The following SRD5A2 variants were observed in gnomAD, a reference collection of about 807,000 sequenced individuals.
The protein encoded by SRD5A2 is steroid 5 alpha-reductase 2, also known as 3-oxo-5-alpha-steroid 4-dehydrogenase 2.
Under a neutral mutation model 27.4 loss-of-function variants are expected in SRD5A2, and 30 were observed. That is an observed-to-expected ratio of 1.10 (90% confidence interval 0.82 to 1.49). The LOEUF is 1.49. Ranked by LOEUF, SRD5A2 falls within the 40% of genes most tolerant of loss-of-function variation. SRD5A2 has a pLI of 0.00. For synonymous variants in SRD5A2, 141 were observed against 133.6 expected, an observed-to-expected ratio of 1.06 and a Z score of -0.38; for missense variants, 348 against 323.4, an observed-to-expected ratio of 1.08 and a Z score of -0.58.
At chr2:31,600,817 C>T in the SRD5A2 span, among the ~76,000 whole-genome samples, 24 of 151,944 alleles carry the variant, frequency 1.6e-4, no homozygotes, top group African/African-American at 5.5e-4. Flanking sequence ...CTCAACAAAA[C>T]ACTAACAAGC....
intron 1 of SRD5A2, among the ~76,000 whole-genome samples, chr2:31,552,637 C>A (rs539218016): frequency 1.3e-5 from 2 of 152,146 alleles, no homozygotes; most frequent in Non-Finnish European, 2.9e-5. Context: ...CAGAAGAATG[C>A]CAGTCCCTGT....
At chr2:31,528,466 G>T (rs1665828428) in intron 4 of SRD5A2, among the ~76,000 whole-genome samples, 1 of 152,178 alleles carries the variant, frequency 6.6e-6, no homozygotes, top group East Asian at 1.9e-4. Context: ...CTAGCCTGCT[G>T]TGCCTCAGAA....
chr2:31,537,262 C>T (rs887470578), intron 1 of SRD5A2, among the ~76,000 whole-genome samples: 13 of 152,272 alleles, frequency 8.5e-5, no homozygotes, highest in Non-Finnish European at 1.5e-4. Flanking sequence ...TTACACCTTT[C>T]TTGACCCTGT....
At chr2:31,638,793 C>T in the SRD5A2 span, among the ~76,000 whole-genome samples, 1 of 151,148 alleles carries the variant, frequency 6.6e-6, no homozygotes, top group Admixed American at 6.6e-5. Flanking sequence ...TTACTTTCAG[C>T]CTATGTGTGT....
chr2:31,613,391 T>G, the SRD5A2 span, among the ~76,000 whole-genome samples: 1 of 152,032 alleles, frequency 6.6e-6, no homozygotes, highest in African/African-American at 2.4e-5. Flanking sequence ...GAGATATGAA[T>G]AGCCAACAGA....
chr2:31,635,065 G>A, the SRD5A2 span, among the ~76,000 whole-genome samples: 1 of 152,158 alleles, frequency 6.6e-6, no homozygotes, highest in Middle Eastern at 3.2e-3. Flanking sequence ...GGAATTGCTG[G>A]ATTATATGAT....
the SRD5A2 span, among the ~76,000 whole-genome samples, chr2:31,597,142 A>G: frequency 6.6e-6 from 1 of 152,194 alleles, no homozygotes; most frequent in African/African-American, 2.4e-5. Context: ...GACCAATGGA[A>G]CAAAATAGAT....
In SRD5A2 at chr2:31,523,143, AC is replaced by A. The variant is rs1665694973; in HGVS notation, c.*3052del. 4.6e-6 allele frequency: 1 copy of A among 216,172 alleles called. No individual in the cohort carries two copies. The highest frequency in any genetic ancestry group is 2.3e-5 in the African/African-American group (1 of 44,420). The allele number at this position is 216,172 out of a possible 1,614,324, so 13.4% of individuals were successfully genotyped here. On this transcript the variant is annotated 3_prime_UTR_variant, in exon 5 of 5. Transcript: ENST00000622030. Reference sequence around the variant, plus strand: ...GGGATAAGGGGGTTTATGACCTGAAACCTTTTTTCCATGCTGAACACACATG... The same window carrying A: ...GGGATAAGGGGGTTTATGACCTGAAACTTTTTTCCATGCTGAACACACATG...
chr2:31,598,304 T>G, the SRD5A2 span, among the ~76,000 whole-genome samples: 4 of 151,832 alleles, frequency 2.6e-5, no homozygotes, highest in African/African-American at 9.6e-5. Context: ...GTAGGAAAGG[T>G]GCAAGGGGGG....
the SRD5A2 span, among the ~76,000 whole-genome samples, chr2:31,595,414 C>T: frequency 1.3e-5 from 2 of 152,076 alleles, no homozygotes; most frequent in African/African-American, 2.4e-5. Flanking sequence ...TCATTCAAGG[C>T]TACTATGAAC....
the SRD5A2 span, among the ~76,000 whole-genome samples, chr2:31,586,187 C>T: frequency 6.6e-6 from 1 of 152,204 alleles, no homozygotes; most frequent in Middle Eastern, 3.4e-3. Flanking sequence ...TCTTTTATCC[C>T]CTACTCCCCT....
chr2:31,658,191 A>G, the SRD5A2 span, among the ~76,000 whole-genome samples: 1 of 152,308 alleles, frequency 6.6e-6, no homozygotes, highest in African/African-American at 2.4e-5. Flanking sequence ...AAACAAAGAA[A>G]CAACATATGA....
intron 1 of SRD5A2, among the ~76,000 whole-genome samples, chr2:31,567,767 G>C (rs1181265745): frequency 6.6e-6 from 1 of 152,054 alleles, no homozygotes; most frequent in Non-Finnish European, 1.5e-5. Context: ...GAGATCCTTG[G>C]GGTGTCACTT....
At chr2:31,558,964 G>C (rs1336672260) in intron 1 of SRD5A2, among the ~76,000 whole-genome samples, 1 of 152,154 alleles carries the variant, frequency 6.6e-6, no homozygotes, top group Non-Finnish European at 1.5e-5. Context: ...TCCAAATAAG[G>C]TCATAGTCTA....
At chr2:31,656,575 G>A in the SRD5A2 span, among the ~76,000 whole-genome samples, 2 of 152,216 alleles carry the variant, frequency 1.3e-5, no homozygotes, top group Admixed American at 6.5e-5. Flanking sequence ...GAAAATAGCT[G>A]ATGCCCCTTT....
At chr2:31,611,440 C>A in the SRD5A2 span, among the ~76,000 whole-genome samples, 4 of 152,096 alleles carry the variant, frequency 2.6e-5, no homozygotes, top group African/African-American at 7.2e-5. Flanking sequence ...ACTTACAATA[C>A]AAATATCTTA....
chr2:31,560,062 C>T (rs1001560591), intron 1 of SRD5A2, among the ~76,000 whole-genome samples: 3 of 148,242 alleles, frequency 2.0e-5, no homozygotes, highest in Admixed American at 6.7e-5. Context: ...CAATCCCCCC[C>T]CCCCCCTTTT....
chr2:31,533,115 G>A (rs1227384184), intron 2 of SRD5A2, among the ~76,000 whole-genome samples: 3 of 152,118 alleles, frequency 2.0e-5, no homozygotes, highest in South Asian at 2.1e-4. Flanking sequence ...TGAATTATAT[G>A]TGTAGCCCAA....
the SRD5A2 span, among the ~76,000 whole-genome samples, chr2:31,589,991 GT>G: frequency 6.6e-6 from 1 of 152,108 alleles, no homozygotes; most frequent in Non-Finnish European, 1.5e-5. Flanking sequence ...GTCACTGCCT[GT>G]TTTCCCCCGC....
Sources: allele counts gnomAD v4.1 joint callset (sites outside exome capture counted in the v4.1 genomes callset), GRCh38; gene constraint gnomAD v4.1.1; transcripts MANE v1.5; gene names NCBI Gene and HGNC (gene_info 2026-07-23, HGNC 2026-07-21).